Variants in ZNF33B observed in about 807,000 individuals in gnomAD.
ZNF33B encodes zinc finger protein 33B, also known as zinc finger protein 11b (KOX 2).
Under a neutral mutation model 45.8 loss-of-function variants are expected in ZNF33B, and 29 were observed. The ratio of observed to expected loss-of-function variants is 0.63; its 90% CI spans 0.47 to 0.86. ZNF33B has a LOEUF of 0.86. ZNF33B is among the 40% of genes least tolerant of loss of function. The pLI, the probability that ZNF33B is intolerant of heterozygous loss-of-function variation, is 0.00. For synonymous variants in ZNF33B, 305 were observed against 307.8 expected (o/e 0.99, Z 0.10); for missense variants, 831 against 909.9 (o/e 0.91, Z 1.12).
Position 42,592,340 on chromosome 10 carries a change from T to G in ZNF33B, c.*273A>C, listed in dbSNP as rs2132033433. 3.2e-6 allele frequency: 2 copies of G among 620,212 alleles called. No individual in the cohort carries two copies. The highest frequency in any genetic ancestry group is 7.0e-5 in the East Asian group (2 of 28,504). The allele number at this position is 620,212 out of a possible 1,614,324, so 38.4% of individuals were successfully genotyped here. A position where few individuals can be genotyped will look rare whatever the true frequency, so the allele number is the denominator to read the frequency against. On this transcript the variant is annotated 3_prime_UTR_variant, in exon 5 of 5. Coordinates refer to ENST00000359467, the MANE Select transcript of ZNF33B (RefSeq NM_006955.3). ...TGCTAACATAATCCTATTTGTAGTT[T>G]TGCCAAAAACTTTCACAAATTCAAA...
At chr10:42,616,607 A>C (rs1355667888) in intron 4 of ZNF33B, among the ~76,000 whole-genome samples, 1 of 152,170 alleles carries the variant, frequency 6.6e-6, no homozygotes, top group African/African-American at 2.4e-5. Flanking sequence ...TGATTCTGTA[A>C]AACTGGTGAT....
downstream of ZNF33B, chr10:42,589,038 T>G (rs1836995246): frequency 4.3e-6 from 1 of 231,224 alleles, no homozygotes; most frequent in Non-Finnish European, 7.1e-6. Context: ...TAACGGTGAT[T>G]TACAGGTTCA....
chr10:42,605,040 A>C (rs1170967684), intron 4 of ZNF33B: 1 of 152,060 alleles, frequency 6.6e-6, no homozygotes, highest in East Asian at 1.9e-4. Context: ...GTGAGGAAAA[A>C]TGAAGAAACC....
chr10:42,615,483 A>G (rs1319207181), intron 4 of ZNF33B, among the ~76,000 whole-genome samples: 1 of 152,244 alleles, frequency 6.6e-6, no homozygotes, highest in Non-Finnish European at 1.5e-5. Flanking sequence ...GGTCACATGC[A>G]GTCCCATTTT....
intron 4 of ZNF33B, among the ~76,000 whole-genome samples, chr10:42,597,324 T>G (rs1205274360): frequency 6.6e-6 from 1 of 152,126 alleles, no homozygotes; most frequent in African/African-American, 2.4e-5. Context: ...CTTTTTTCCT[T>G]TAACATATTT....
rs193011606 is a variant in ZNF33B at position 42,628,752 on chromosome 10, C to T, written c.250+3177G>A. Among the ~76,000 whole-genome samples, 580 of 152,124 alleles carry T rather than the reference C, an allele frequency of 3.8e-3. 6 individuals carry two copies. The highest frequency in any genetic ancestry group is 0.013 in the African/African-American group (529 of 41,504). On this transcript the variant is annotated intron_variant, in intron 4 of 4. Coordinates refer to ENST00000359467, the MANE Select transcript of ZNF33B (RefSeq NM_006955.3). ...TGGAGCAAGATGGTGGAATAGAGAA[C>T]GCCACCGATCATACACACTCCCCCG...
downstream of ZNF33B, among the ~76,000 whole-genome samples, chr10:42,584,142 G>C (rs1323036887): frequency 6.6e-6 from 1 of 152,248 alleles, no homozygotes; most frequent in Non-Finnish European, 1.5e-5. Flanking sequence ...GTCCACCTGA[G>C]TTGTGCCAGG....
At chr10:42,636,159 A>T (rs867447440) in intron 2 of ZNF33B, among the ~76,000 whole-genome samples, 1 of 152,176 alleles carries the variant, frequency 6.6e-6, no homozygotes, top group Non-Finnish European at 1.5e-5. Flanking sequence ...ATTTAAAATT[A>T]AAATACATTT....
chr10:42,626,732 A>T (rs1052366679), intron 4 of ZNF33B, among the ~76,000 whole-genome samples: 4 of 151,630 alleles, frequency 2.6e-5, no homozygotes, highest in Admixed American at 1.3e-4. Flanking sequence ...TAAAATAAAG[A>T]AATGTTCCTG....
chr10:42,588,009 A>G (rs1277256294), downstream of ZNF33B, among the ~76,000 whole-genome samples: 1 of 152,262 alleles, frequency 6.6e-6, no homozygotes, highest in African/African-American at 2.4e-5. Context: ...AAACCTCACA[A>G]TAGGCCATCT....
intron 4 of ZNF33B, among the ~76,000 whole-genome samples, chr10:42,625,240 GTTCTT>G (rs1176198972): frequency 2.0e-5 from 3 of 151,834 alleles, no homozygotes; most frequent in Non-Finnish European, 4.4e-5. Flanking sequence ...TTATTTCAGT[GTTCTT>G]TTATTTCTTT....
At chr10:42,633,552 G>A (rs1339758730) in intron 2 of ZNF33B, among the ~76,000 whole-genome samples, 3 of 152,176 alleles carry the variant, frequency 2.0e-5, no homozygotes, top group Non-Finnish European at 4.4e-5. Context: ...GAAAAAAAAT[G>A]TTTCCTCTGG....
chr10:42,634,828 T>G (rs984602398), intron 2 of ZNF33B, among the ~76,000 whole-genome samples: 1 of 152,184 alleles, frequency 6.6e-6, no homozygotes, highest in African/African-American at 2.4e-5. Context: ...TTTTAAAAGA[T>G]AACAAAAGAG....
At chr10:42,638,356 G>C in intron 1 of ZNF33B, 118 bp downstream of exon 1, 1 of 312,938 alleles carries the variant, frequency 3.2e-6, no homozygotes, top group East Asian at 9.5e-5. Flanking sequence ...CGCCGTCCCC[G>C]GCTTCTCCGT....
chr10:42,606,500 G>C (rs574134434), intron 4 of ZNF33B, among the ~76,000 whole-genome samples: 5 of 152,140 alleles, frequency 3.3e-5, no homozygotes, highest in Admixed American at 6.5e-5. Flanking sequence ...CTGTACTGGA[G>C]TAAGGAAATT....
At chr10:42,634,396 CA>C (rs34495800) in intron 2 of ZNF33B, among the ~76,000 whole-genome samples, 6 of 150,206 alleles carry the variant, frequency 4.0e-5, no homozygotes, top group Non-Finnish European at 7.4e-5. Context: ...AACTCTGTCT[CA>C]AAAAAAAAGG....
chr10:42,626,815 G>A (rs1198668578), intron 4 of ZNF33B, among the ~76,000 whole-genome samples: 3 of 152,044 alleles, frequency 2.0e-5, no homozygotes, highest in Non-Finnish European at 4.4e-5. Flanking sequence ...ATTCTCTAGT[G>A]AGAACAACTC....
intron 4 of ZNF33B, among the ~76,000 whole-genome samples, chr10:42,597,545 T>G (rs767474613): frequency 1.1e-4 from 16 of 152,168 alleles, no homozygotes; most frequent in Non-Finnish European, 1.9e-4. Flanking sequence ...TTTAGCAACT[T>G]CATTTTCAAT....
In ZNF33B at chr10:42,632,341, C is replaced by A; in HGVS notation, c.108G>T (p.Leu36=). The A allele has an allele frequency of 6.2e-7, 1 of 1,613,476 alleles. No homozygotes were observed. The highest frequency in any genetic ancestry group is 8.5e-7 in the Non-Finnish European group (1 of 1,179,866). The change falls in exon 3 of 5, where the codon CTG becomes CTT. Residue 36 remains leucine (L), a synonymous_variant. Transcript: ENST00000359467. The part of the protein sequence containing the change: ...WQHLDPSQRA[L]YRDVMLENYS... ...AGTTCTCCAGCATCACATCTCTATA[C>A]AGAGCCCTCTGACTAGGGTCCAGGT... is the stretch of plus-strand genomic sequence containing the variant.
Sources: gnomAD v4.1 joint callset for allele counts (sites outside exome capture counted in the v4.1 genomes callset) on GRCh38, gnomAD v4.1.1 for gene constraint, MANE v1.5 for transcripts, NCBI Gene and HGNC (gene_info 2026-07-23, HGNC 2026-07-21) for gene names.